Variants in ADAP1 observed in about 807,000 individuals in gnomAD.
ADAP1 encodes the protein ArfGAP with dual PH domains 1, also known as arf-GAP with dual PH domain-containing protein 1.
Under a neutral mutation model 54.9 loss-of-function variants are expected in ADAP1, and 31 were observed. That is an observed-to-expected ratio of 0.56 (90% CI 0.42 to 0.76). The LOEUF (loss-of-function observed/expected upper bound fraction) is 0.76, where lower values mean the gene tolerates loss of function less well. ADAP1 is among the 30% of genes least tolerant of loss of function. The pLI is 0.00. For synonymous variants in ADAP1, 313 were observed against 202.6 expected, an observed-to-expected ratio of 1.55 and a Z score of -4.63; for missense variants, 535 against 512.4, an observed-to-expected ratio of 1.04 and a Z score of -0.42.
In ADAP1 at chr7:926,996, G is replaced by A. The variant is rs554750264; in HGVS notation, c.214-352C>T. 9.5e-6 allele frequency: 12 copies of A among 1,260,822 alleles called. No homozygotes were observed. In the African/African-American group the frequency reaches 1.7e-4, roughly 18 times the overall value. The allele number at this position is 1,260,822 out of a possible 1,614,324, so 78.1% of individuals were successfully genotyped here. On this transcript the variant is annotated intron_variant, in intron 2 of 10. Transcript: ENST00000265846. This position sits in a 1 kb window ranked among gnomAD's most constrained non-coding sequence, Gnocchi z 4.6. ...TGGGAGAGAGCTGGCTGCATCCTGT[G>A]ACCCCCATCTCTGCCCCAGAGAGCG...
At chr7:902,411 T>C (rs1326742638) in intron 6 of ADAP1, among the ~76,000 whole-genome samples, 3 of 69,472 alleles carry the variant, frequency 4.3e-5, no homozygotes, top group Non-Finnish European at 9.1e-5. Flanking sequence ...TGAGCCGAGA[T>C]TGCACCACTG....
At chr7:950,640 T>A (rs1208225835) in intron 1 of ADAP1, among the ~76,000 whole-genome samples, 2 of 151,224 alleles carry the variant, frequency 1.3e-5, no homozygotes, top group African/African-American at 2.4e-5. Context: ...GAGGATGACC[T>A]GAGGTCAGGA....
rs538728392 is a variant in ADAP1 at position 949,779 on chromosome 7, C to T, written c.82+4617G>A. Reference sequence around the variant, plus strand: ...GCCCTGAGTGCCAGCTCATCGCCCACACCAGCCCTCCACACCCGGCCACAG... The same window carrying T: ...GCCCTGAGTGCCAGCTCATCGCCCATACCAGCCCTCCACACCCGGCCACAG... On this transcript the variant is annotated intron_variant, in intron 1 of 10. Coordinates refer to ENST00000265846, the MANE Select transcript of ADAP1 (RefSeq NM_006869.4). Among the ~76,000 whole-genome samples the T allele has an allele frequency of 2.0e-5, 3 of 150,406 alleles. No individual in the cohort carries two copies. In the East Asian group the frequency reaches 5.8e-4, roughly 29 times the overall value.
At chr7:905,012 G>A (rs1026262623) in intron 5 of ADAP1, 48 bp downstream of exon 5, 2 of 1,550,696 alleles carry the variant, frequency 1.3e-6, no homozygotes, top group Non-Finnish European at 1.8e-6. Context: ...GGGAGGCCGG[G>A]ATGCCGCCCT....
intron 4 of ADAP1, among the ~76,000 whole-genome samples, chr7:913,261 C>T (rs575301352): frequency 1.8e-4 from 24 of 134,864 alleles, no homozygotes; most frequent in Non-Finnish European, 3.2e-4. Flanking sequence ...AGTTTAGTGG[C>T]GTGATCTCCA....
chr7:922,808 G>A (rs1342885238), intron 3 of ADAP1, among the ~76,000 whole-genome samples: 5 of 120,088 alleles, frequency 4.2e-5, no homozygotes, highest in Admixed American at 8.7e-5. Context: ...TCACGCCCCC[G>A]CCCACACCCC....
Position 926,610 on chromosome 7 carries a change from G to A in ADAP1, c.248C>T (p.Ala83Val), listed in dbSNP as rs1409945914. Residue 83 changes from alanine to valine, a missense_variant, in exon 3 of 11, where the codon GCC (alanine) becomes GTC (valine). Coordinates refer to ENST00000265846, the MANE Select transcript of ADAP1 (RefSeq NM_006869.4). This position sits in a 1 kb window ranked among gnomAD's most constrained non-coding sequence, Gnocchi z 4.6. Reference sequence around the variant, plus strand: ...GGAGGGTACTTTGGACTCAAACCTGGCTCTCGCGGCGTCGTTCCCGTGGGA... The same window carrying A: ...GGAGGGTACTTTGGACTCAAACCTGACTCTCGCGGCGTCGTTCCCGTGGGA... ...MASHGNDAAR[A>V]RFESKVPSFY... 6.5e-7 allele frequency: 1 copy of A among 1,545,594 alleles called. No homozygotes were observed. Among genetic ancestry groups the A allele is most frequent in the South Asian group, 1.2e-5 (1 of 83,866 alleles).
chr7:950,782 A>G (rs1347301607), intron 1 of ADAP1, among the ~76,000 whole-genome samples: 4 of 142,836 alleles, frequency 2.8e-5, no homozygotes, highest in Non-Finnish European at 3.0e-5. Flanking sequence ...GTTTGAACCC[A>G]GGAGGCAGAG....
At chr7:906,630 A>AGAAAGGAGAAAGGAGAAAGGAGAAAGG (rs1845395814) in intron 4 of ADAP1, among the ~76,000 whole-genome samples, 2 of 76,276 alleles carry the variant, frequency 2.6e-5, no homozygotes, top group Non-Finnish European at 5.1e-5. Context: ...AGGAGAAAGG[A>AGAAAGGAGAAAGGAGAAAGGAGAAAGG]GAAAGGAGAA....
chr7:917,727 C>G (rs1334190377), intron 4 of ADAP1, among the ~76,000 whole-genome samples: 1 of 152,116 alleles, frequency 6.6e-6, no homozygotes, highest in Non-Finnish European at 1.5e-5. Flanking sequence ...CTAGGCCTCC[C>G]AAGGTGCTTC....
In ADAP1 at chr7:919,916, G is replaced by C. The variant is rs552110129; in HGVS notation, c.388+52C>G. 3.6e-5 allele frequency: 50 copies of C among 1,377,714 alleles called. 2 individuals carry two copies. Among genetic ancestry groups the C allele is most frequent in the Non-Finnish European group, 6.9e-6 (7 of 1,014,734 alleles). The allele number at this position is 1,377,714 out of a possible 1,614,324, so 85.3% of individuals were successfully genotyped here. On this transcript the variant is annotated intron_variant, in intron 4 of 10. Transcript: ENST00000265846. The stretch of plus-strand genomic sequence containing the variant: ...GGGAAAGAGATGGGGGAGGGAGGGA[G>C]AGAGCCAGGGAGAGGTAGCCGGGAG...
In ADAP1 at chr7:898,917, C is replaced by T; in HGVS notation, c.*4G>A. The T allele has an allele frequency of 6.2e-7, 1 of 1,603,002 alleles. No individual in the cohort carries two copies. The highest frequency in any genetic ancestry group is 8.5e-7 in the Non-Finnish European group (1 of 1,175,474). On this transcript the variant is annotated 3_prime_UTR_variant, in exon 11 of 11. Coordinates refer to ENST00000265846, the MANE Select transcript of ADAP1 (RefSeq NM_006869.4). ...CAATGTCCGTGGTCCTCCAGCCGCA[C>T]TCGCTAAGGTTTATGCTTGAAGTGC... is the stretch of plus-strand genomic sequence containing the variant.
intron 2 of ADAP1, among the ~76,000 whole-genome samples, chr7:930,089 G>A (rs1465319272): frequency 9.9e-6 from 1 of 100,594 alleles, no homozygotes; most frequent in African/African-American, 4.1e-5. Flanking sequence ...GGGTGACAGA[G>A]CAAGACTGTC....
In ADAP1 at chr7:898,758, A is replaced by C; in HGVS notation, c.*163T>G. The C allele has an allele frequency of 1.1e-6, 1 of 876,146 alleles. No individual in the cohort carries two copies. The highest frequency in any genetic ancestry group is 1.8e-6 in the Non-Finnish European group (1 of 567,070). 54.3% of individuals were successfully genotyped at this position (876,146 alleles called of 1,614,324 possible). A position where few individuals can be genotyped will look rare whatever the true frequency, so the allele number is the denominator to read the frequency against. On this transcript the variant is annotated 3_prime_UTR_variant, in exon 11 of 11. Transcript: ENST00000265846. ...GGCTGCCTGCCTTGAGGTTCCAGAGAAGCATCCTGGAAGCTGAAGCTCGGG... is the reference window on the plus strand; with the variant it reads ...GGCTGCCTGCCTTGAGGTTCCAGAGCAGCATCCTGGAAGCTGAAGCTCGGG...
In ADAP1 at chr7:920,060, G is replaced by T; in HGVS notation, c.306-10C>A. 6.2e-7 allele frequency: 1 copy of T among 1,604,038 alleles called. No homozygotes were observed. On this transcript the variant is annotated splice_polypyrimidine_tract_variant and intron_variant, in intron 3 of 10. Coordinates refer to ENST00000265846, the MANE Select transcript of ADAP1 (RefSeq NM_006869.4). The surrounding 1 kb of genome is among the most constrained non-coding windows in gnomAD (Gnocchi z 4.5). ...CTGCTCTCGAAGGAGCCTGTGGGGA[G>T]AGGAGAGACTGAGCCACTGGGCCAA...
chr7:919,445 G>C (rs1198758621), intron 4 of ADAP1, among the ~76,000 whole-genome samples: 1 of 151,958 alleles, frequency 6.6e-6, no homozygotes, highest in African/African-American at 2.4e-5. Context: ...GTCACTCAGA[G>C]GGCAAAACAG....
At chr7:925,514 C>G (rs1203865085) in intron 3 of ADAP1, among the ~76,000 whole-genome samples, 1 of 142,932 alleles carries the variant, frequency 7.0e-6, no homozygotes, top group South Asian at 2.6e-4. Context: ...GCCTTCGGAT[C>G]CAGTGAGGAC....
intron 4 of ADAP1, among the ~76,000 whole-genome samples, chr7:911,956 A>C (rs561597797): frequency 6.6e-6 from 1 of 152,210 alleles, no homozygotes; most frequent in Admixed American, 6.5e-5. Flanking sequence ...CCGTCCCCTC[A>C]TGGGCCACGT....
rs774049108 is a variant in ADAP1 at position 900,957 on chromosome 7, G to A, written c.649-341C>T. On this transcript the variant is annotated intron_variant, in intron 6 of 10. Coordinates refer to ENST00000265846, the MANE Select transcript of ADAP1 (RefSeq NM_006869.4). Reference sequence around the variant, plus strand: ...TCACTCTGTGGCCCTGGTGCTGCTGGGGCCTGGGCCAACTTGCCTTCCTTT... The same window carrying A: ...TCACTCTGTGGCCCTGGTGCTGCTGAGGCCTGGGCCAACTTGCCTTCCTTT... 5.3e-5 allele frequency: 29 copies of A among 544,250 alleles called. No homozygotes were observed. In the Middle Eastern group the frequency reaches 8.8e-4, roughly 17 times the overall value. The allele number at this position is 544,250 out of a possible 1,614,324, so 33.7% of individuals were successfully genotyped here.
Sources: gnomAD v4.1 joint callset for allele counts (sites outside exome capture counted in the v4.1 genomes callset) on GRCh38, gnomAD v4.1.1 for gene constraint, Gnocchi (gnomAD v3.1) non-coding constraint, MANE v1.5 for transcripts, NCBI Gene and HGNC (gene_info 2026-07-23, HGNC 2026-07-21) for gene names.